Variants in KCNIP4 observed in about 807,000 individuals in gnomAD.
KCNIP4 encodes the protein Kv channel-interacting protein 4.
In KCNIP4, 12 loss-of-function variants were observed where a neutral mutation model predicts 34.0. The ratio of observed to expected loss-of-function variants is 0.35; its 90% CI spans 0.23 to 0.57. The LOEUF is 0.57. Among genes scored for constraint, KCNIP4 ranks in the 20% least tolerant of loss-of-function variants. The pLI, the probability that KCNIP4 is intolerant of heterozygous loss-of-function variation, is 0.83. For synonymous variants in KCNIP4, 124 were observed against 102.2 expected, an observed-to-expected ratio of 1.21 and a Z score of -1.29; for missense variants, 238 against 311.7, an observed-to-expected ratio of 0.76 and a Z score of 1.78.
At position 21,730,683 on chromosome 4, in the gene KCNIP4, T is replaced by C. The variant is rs144492551; in HGVS notation, c.61+217888A>G. Reference sequence around the variant, plus strand: ...GTCACGGATGTGCCAGCCAACTTTATTTAGATATCTGCTAAGTGGAAATGT... The same window carrying C: ...GTCACGGATGTGCCAGCCAACTTTACTTAGATATCTGCTAAGTGGAAATGT... On this transcript the variant is annotated intron_variant, in intron 1 of 8. Transcript: ENST00000382152. Among the ~76,000 whole-genome samples, 1,212 of 152,342 alleles carry C rather than the reference T, an allele frequency of 8.0e-3. 18 individuals carry two copies. Among genetic ancestry groups the C allele is most frequent in the African/African-American group, 0.027 (1,117 of 41,582 alleles).
intron 1 of KCNIP4, among the ~76,000 whole-genome samples, chr4:21,051,090 C>T (rs1192719262): frequency 6.6e-6 from 1 of 152,220 alleles, no homozygotes; most frequent in Non-Finnish European, 1.5e-5. Flanking sequence ...CTCTGCCAGC[C>T]TGGAAGTTCC....
intron 1 of KCNIP4, among the ~76,000 whole-genome samples, chr4:21,711,657 T>C (rs564923080): frequency 1.6e-4 from 25 of 152,310 alleles, no homozygotes; most frequent in African/African-American, 5.5e-4. Context: ...ATAAAATATA[T>C]AGGCAAATTT....
chr4:21,677,600 T>C (rs182211669), intron 1 of KCNIP4, among the ~76,000 whole-genome samples: 24 of 152,314 alleles, frequency 1.6e-4, no homozygotes, highest in East Asian at 3.9e-4. Flanking sequence ...GGCATCCTGT[T>C]CCACTGGTAT....
intron 1 of KCNIP4, among the ~76,000 whole-genome samples, chr4:20,895,341 C>A (rs1021000854): frequency 2.0e-5 from 3 of 152,094 alleles, no homozygotes; most frequent in Non-Finnish European, 1.5e-5. Flanking sequence ...GTAGGACATC[C>A]ATCAAATTCC....
chr4:21,485,640 C>A (rs1731834519), intron 1 of KCNIP4, among the ~76,000 whole-genome samples: 1 of 152,176 alleles, frequency 6.6e-6, no homozygotes, highest in Non-Finnish European at 1.5e-5. Flanking sequence ...CACATCATAT[C>A]CTCAATGAAA....
At chr4:21,315,576 T>A (rs1713657226) in intron 1 of KCNIP4, among the ~76,000 whole-genome samples, 1 of 152,144 alleles carries the variant, frequency 6.6e-6, no homozygotes, top group Admixed American at 6.5e-5. Context: ...TATTTAAAGG[T>A]CAACTGCCCT....
At chr4:21,749,179 G>C (rs1716979659) in intron 1 of KCNIP4, among the ~76,000 whole-genome samples, 1 of 152,254 alleles carries the variant, frequency 6.6e-6, no homozygotes, top group South Asian at 2.1e-4. Flanking sequence ...AATAGAAGAA[G>C]GGTTGAAGGC....
At chr4:21,879,953 G>A (rs564556490) in intron 1 of KCNIP4, among the ~76,000 whole-genome samples, 186 of 152,108 alleles carry the variant, frequency 1.2e-3, no homozygotes, top group Non-Finnish European at 2.1e-3. Flanking sequence ...CCTTCTTGCC[G>A]TCATGCAAAG....
At chr4:21,861,087 C>T (rs983082953) in intron 1 of KCNIP4, among the ~76,000 whole-genome samples, 1 of 152,168 alleles carries the variant, frequency 6.6e-6, no homozygotes, top group East Asian at 1.9e-4. Flanking sequence ...ATTTTGTCAT[C>T]AATTATTCAA....
At chr4:21,643,193 C>T (rs1333029174) in intron 1 of KCNIP4, among the ~76,000 whole-genome samples, 1 of 152,140 alleles carries the variant, frequency 6.6e-6, no homozygotes, top group Non-Finnish European at 1.5e-5. Context: ...TTTCTTCCCT[C>T]TCTTTTCCCC....
At chr4:21,046,970 G>C (rs921955391) in intron 1 of KCNIP4, among the ~76,000 whole-genome samples, 3 of 152,190 alleles carry the variant, frequency 2.0e-5, no homozygotes, top group Non-Finnish European at 4.4e-5. Context: ...ACACTATACA[G>C]AATGAGCCTA....
intron 1 of KCNIP4, among the ~76,000 whole-genome samples, chr4:21,036,722 C>T (rs555993935): frequency 7.2e-5 from 11 of 152,182 alleles, no homozygotes; most frequent in Non-Finnish European, 1.3e-4. Context: ...GAGACTCCGT[C>T]TCAAAAAACA....
chr4:21,509,761 T>C (rs1244850168), intron 1 of KCNIP4, among the ~76,000 whole-genome samples: 1 of 152,176 alleles, frequency 6.6e-6, no homozygotes, highest in Non-Finnish European at 1.5e-5. Context: ...TCTTCTGGCC[T>C]GTGTTTGTAC....
In KCNIP4 at chr4:21,065,726, CTATATATATATATATATATA is replaced by C. The variant is rs5856598; in HGVS notation, c.62-183037_62-183018del. Among the ~76,000 whole-genome samples, 369 of 86,356 alleles carry C rather than the reference CTATATATATATATATATATA, an allele frequency of 4.3e-3. 2 individuals are homozygous for C. The highest frequency in any genetic ancestry group is 6.4e-3 in the Non-Finnish European group (282 of 44,014). 56.7% of individuals were successfully genotyped at this position (86,356 alleles called of 152,430 possible). A position where few individuals can be genotyped will look rare whatever the true frequency, so the allele number is the denominator to read the frequency against. ...TATATCATAGATTGGTATCATTTGTCTATATATATATATATATATATATATATATATATATATATAACTCA... is the reference window on the plus strand; with the variant it reads ...TATATCATAGATTGGTATCATTTGTCTATATATATATATATATATAACTCA... On this transcript the variant is annotated intron_variant, in intron 1 of 8. Coordinates refer to ENST00000382152, the MANE Select transcript of KCNIP4 (RefSeq NM_025221.6).
At position 21,732,448 on chromosome 4, in the gene KCNIP4, C is replaced by A. The variant is rs751814415; in HGVS notation, c.61+216123G>T. 9.2e-5 allele frequency among the ~76,000 whole-genome samples: 14 copies of A among 152,248 alleles called. No individual in the cohort carries two copies. In the South Asian group the frequency reaches 1.0e-3, roughly 11 times the overall value. ...AATATTGATGATCACCTATTGTGTT[C>A]TTTCTGGCTAGTCTGAAGCTCTGCA... On this transcript the variant is annotated intron_variant, in intron 1 of 8. Coordinates refer to ENST00000382152, the MANE Select transcript of KCNIP4 (RefSeq NM_025221.6).
chr4:21,092,477 T>C (rs1176243601), intron 1 of KCNIP4, among the ~76,000 whole-genome samples: 2 of 152,184 alleles, frequency 1.3e-5, no homozygotes, highest in East Asian at 1.9e-4. Context: ...TTTATATCTG[T>C]TCTGTTTTGC....
intron 1 of KCNIP4, among the ~76,000 whole-genome samples, chr4:21,711,709 C>G (rs1361813648): frequency 6.6e-6 from 1 of 152,010 alleles, no homozygotes; most frequent in African/African-American, 2.4e-5. Flanking sequence ...ATTGTTTTTG[C>G]AGAAAAGTAA....
chr4:21,609,872 A>G (rs1423791519), intron 1 of KCNIP4, among the ~76,000 whole-genome samples: 2 of 152,212 alleles, frequency 1.3e-5, no homozygotes, highest in Admixed American at 1.3e-4. Flanking sequence ...TGTAAGATAT[A>G]TTTTATTAGG....
chr4:21,504,794 T>G (rs1214010228), intron 1 of KCNIP4, among the ~76,000 whole-genome samples: 3 of 152,164 alleles, frequency 2.0e-5, no homozygotes, highest in Non-Finnish European at 4.4e-5. Context: ...GTAACTGATA[T>G]TATGTTTTAA....
Sources: allele counts gnomAD v4.1 joint callset (sites outside exome capture counted in the v4.1 genomes callset), GRCh38; gene constraint gnomAD v4.1.1; transcripts MANE v1.5; gene names NCBI Gene and HGNC (gene_info 2026-07-23, HGNC 2026-07-21).